PBLD: variants seen among roughly 807,000 people sequenced by gnomAD.
PBLD encodes the protein phenazine biosynthesis like protein domain containing.
Under a neutral mutation model 31.3 loss-of-function variants are expected in PBLD, and 26 were observed. The observed-to-expected ratio is 0.83, with a 90% CI of 0.61 to 1.15. PBLD has a LOEUF of 1.15. Among genes scored for constraint, PBLD ranks in the 50% most tolerant of loss-of-function variants. The pLI, the probability that PBLD is intolerant of heterozygous loss-of-function variation, is 0.00. For missense variants in PBLD, 307 were observed against 351.7 expected, an observed-to-expected ratio of 0.87 and a Z score of 1.02; for synonymous variants, 114 against 129.0, an observed-to-expected ratio of 0.88 and a Z score of 0.79.
intron 1 of PBLD, among the ~76,000 whole-genome samples, chr10:68,311,962 ATCAAAAT>A (rs1589665705): frequency 6.6e-6 from 1 of 152,242 alleles, no homozygotes; most frequent in African/African-American, 2.4e-5. Context: ...CTGGGAACAG[ATCAAAAT>A]TCAAAATTCA....
At chr10:68,304,427 CCTTAT>C (rs890608837) in intron 2 of PBLD, among the ~76,000 whole-genome samples, 2 of 152,194 alleles carry the variant, frequency 1.3e-5, no homozygotes, top group Non-Finnish European at 2.9e-5. Flanking sequence ...TCATGGACTT[CCTTAT>C]CTTCTTTTTC....
At chr10:68,319,049 G>GAGAGAT in intron 1 of PBLD, among the ~76,000 whole-genome samples, 1 of 77,780 alleles carries the variant, frequency 1.3e-5, no homozygotes, top group Non-Finnish European at 2.4e-5. Flanking sequence ...AAGAAAGAAA[G>GAGAGAT]AGAGAGAAAG....
chr10:68,295,032 G>A (rs1420410351), intron 4 of PBLD, among the ~76,000 whole-genome samples: 1 of 152,052 alleles, frequency 6.6e-6, no homozygotes, highest in Admixed American at 6.6e-5. Context: ...TCCTGTTTTA[G>A]GGCATTTCCC....
chr10:68,306,741 A>C lies in PBLD; in HGVS notation c.84+20T>G, dbSNP rs772446280. The C allele has an allele frequency of 1.9e-6, 3 of 1,604,878 alleles. No homozygotes were observed. Among genetic ancestry groups the C allele is most frequent in the Non-Finnish European group, 2.6e-6 (3 of 1,172,586 alleles). The stretch of plus-strand genomic sequence containing the variant: ...GGAATCTAGAATTTCAGGTACTGTA[A>C]TTCAAAACCAAGCACTTACATTTTC... On this transcript the variant is annotated intron_variant, in intron 2 of 9. Coordinates refer to ENST00000358769, the MANE Select transcript of PBLD (RefSeq NM_022129.4).
chr10:68,306,818 A>C lies in PBLD; in HGVS notation c.27T>G (p.Asp9Glu). 1.2e-6 allele frequency: 2 copies of C among 1,611,260 alleles called. No individual in the cohort carries two copies. The highest frequency in any genetic ancestry group is 1.7e-6 in the Non-Finnish European group (2 of 1,177,920). Residue 9 changes from aspartate to glutamate, a missense_variant, in exon 2 of 10, where the codon GAT (aspartate) becomes GAG (glutamate). Physicochemically the swap from Asp to Glu is conservative, Grantham distance 45 (BLOSUM62 2). Coordinates refer to ENST00000358769, the MANE Select transcript of PBLD (RefSeq NM_022129.4). The part of the protein sequence containing the change: MKLPIFIA[D>E]AFTARAFRGN... Reference sequence around the variant, plus strand: ...CACGAAATGCTCTTGCTGTGAATGCATCTGCTATGAAAATAGGAAGCTTCA... The same window carrying C: ...CACGAAATGCTCTTGCTGTGAATGCCTCTGCTATGAAAATAGGAAGCTTCA...
rs1191236249 is a variant in PBLD at position 68,296,978 on chromosome 10, T to A, written c.92A>T (p.Asp31Val). The change falls in exon 3 of 10, where the codon GAT (aspartate) becomes GTT (valine). Residue 31 changes from aspartate (D) to valine (V), a missense_variant. Transcript: ENST00000358769. ...TGCAATTTTCTGATGCATGTCTTCA[T>A]CCAATTCCTTAATTAGAAACAGACG... ...AAVCLLENEL[D>V]EDMHQKIARE... 1.2e-6 allele frequency: 2 copies of A among 1,610,988 alleles called. No homozygotes were observed. The highest frequency in any genetic ancestry group is 4.5e-5 in the East Asian group (2 of 44,874).
chr10:68,312,428 T>C (rs2044681252), intron 1 of PBLD, among the ~76,000 whole-genome samples: 1 of 152,202 alleles, frequency 6.6e-6, no homozygotes, highest in African/African-American at 2.4e-5. Flanking sequence ...ATTTCCTTGA[T>C]GATTAGTGAT....
intron 1 of PBLD, among the ~76,000 whole-genome samples, chr10:68,327,305 C>A (rs1034809168): frequency 6.6e-5 from 10 of 152,104 alleles, no homozygotes; most frequent in Middle Eastern, 3.4e-3. Flanking sequence ...CCCAGTGTGA[C>A]CATCGTTATT....
intron 1 of PBLD, among the ~76,000 whole-genome samples, chr10:68,310,470 T>C (rs1315590816): frequency 6.7e-6 from 1 of 149,076 alleles, no homozygotes; most frequent in Admixed American, 6.9e-5. Context: ...ACACTTAACA[T>C]CCACTCTCTT....
chr10:68,284,384 C>A, intron 9 of PBLD, 95 bp from the exon 10 acceptor site: 1 of 1,043,956 alleles, frequency 9.6e-7, no homozygotes, highest in Non-Finnish European at 1.4e-6. Flanking sequence ...AGAGTCCTCC[C>A]AGATCAGTTT....
At chr10:68,325,151 G>A (rs1279575552) in intron 1 of PBLD, among the ~76,000 whole-genome samples, 1 of 152,100 alleles carries the variant, frequency 6.6e-6, no homozygotes, top group Non-Finnish European at 1.5e-5. Flanking sequence ...GGCTGAGGCA[G>A]GAGAATTGCT....
At chr10:68,289,317 C>T (rs2044327325) in intron 6 of PBLD, among the ~76,000 whole-genome samples, 1 of 152,062 alleles carries the variant, frequency 6.6e-6, no homozygotes, top group Non-Finnish European at 1.5e-5. Context: ...CACCTGAGGT[C>T]AGGAGCTCGA....
At chr10:68,319,063 G>GAA (rs1554860583) in intron 1 of PBLD, among the ~76,000 whole-genome samples, 3 of 108,710 alleles carry the variant, frequency 2.8e-5, no homozygotes, top group East Asian at 2.9e-4. Context: ...GAGAAAGAAA[G>GAA]AAAGAAAGAA....
chr10:68,316,937 C>G (rs998954225), intron 1 of PBLD, among the ~76,000 whole-genome samples: 1 of 152,070 alleles, frequency 6.6e-6, no homozygotes, highest in South Asian at 2.1e-4. Context: ...CGCTTGAGAC[C>G]CGGAGATGGA....
At chr10:68,324,589 T>A (rs2044886014) in intron 1 of PBLD, among the ~76,000 whole-genome samples, 2 of 150,954 alleles carry the variant, frequency 1.3e-5, no homozygotes, top group African/African-American at 2.5e-5. Flanking sequence ...ACCCTCCCAA[T>A]ATCTACCCTC....
intron 2 of PBLD, 141 bp from the exon 3 acceptor site, chr10:68,297,126 A>T: frequency 5.8e-6 from 4 of 684,966 alleles, no homozygotes; most frequent in Non-Finnish European, 9.9e-6. Context: ...CAAGGAATTC[A>T]AGGCACTTTT....
At chr10:68,292,831 C>A (rs2044377414) in intron 4 of PBLD, among the ~76,000 whole-genome samples, 1 of 152,096 alleles carries the variant, frequency 6.6e-6, no homozygotes, top group Non-Finnish European at 1.5e-5. Context: ...ATCTCAGTTT[C>A]CTCATCTATA....
rs895766547 is a variant in PBLD, at chr10:68,285,319, A to G, written c.754+29T>C. ...ACACTAGCTTCGAATTAGGCAAATA[A>G]AAAAGAAATTGGTAAAGAGCTGTCC... is the stretch of plus-strand genomic sequence containing the variant. On this transcript the variant is annotated intron_variant, in intron 9 of 9. Coordinates refer to ENST00000358769, the MANE Select transcript of PBLD (RefSeq NM_022129.4). 3.1e-6 allele frequency: 5 copies of G among 1,613,944 alleles called. No individual in the cohort carries two copies. The African/African-American group carries it at 4.0e-5, about 13-fold the overall frequency.
Position 68,306,888 on chromosome 10 carries a change from G to A in PBLD, c.-44C>T. 1 of 1,491,234 alleles carries A rather than the reference G, an allele frequency of 6.7e-7. No individual in the cohort carries two copies. The highest frequency in any genetic ancestry group is 9.3e-7 in the Non-Finnish European group (1 of 1,073,228). The allele number at this position is 1,491,234 out of a possible 1,614,324, so 92.4% of individuals were successfully genotyped here. A position where few individuals can be genotyped will look rare whatever the true frequency, so the allele number is the denominator to read the frequency against. On this transcript the variant is annotated 5_prime_UTR_variant, in exon 2 of 10. Coordinates refer to ENST00000358769, the MANE Select transcript of PBLD (RefSeq NM_022129.4). ...TTGCAAGTTCTCAAAATTGCTGGTA[G>A]CCTGCTTTACGTCTTCTTCTTGGAA... is the stretch of plus-strand genomic sequence containing the variant.
Sources: allele counts gnomAD v4.1 joint callset (sites outside exome capture counted in the v4.1 genomes callset), GRCh38; gene constraint gnomAD v4.1.1; transcripts MANE v1.5; gene names NCBI Gene and HGNC (gene_info 2026-07-23, HGNC 2026-07-21).